AUTS2: variants seen among roughly 807,000 people sequenced by gnomAD.
The protein encoded by AUTS2 is activator of transcription and developmental regulator AUTS2, also known as autism susceptibility gene 2 protein.
In AUTS2, 17 loss-of-function variants were observed where a neutral mutation model predicts 112.4. The ratio of observed to expected loss-of-function variants is 0.15; its 90% CI spans 0.10 to 0.23. AUTS2 has a LOEUF of 0.23. Ranked by LOEUF, AUTS2 falls within the 10% of genes least tolerant of loss-of-function variation. AUTS2 has a pLI of 1.00. For missense variants in AUTS2, 1,510 were observed against 1,701.6 expected, an observed-to-expected ratio of 0.89 and a Z score of 1.98; for synonymous variants, 751 against 702.7, an observed-to-expected ratio of 1.07 and a Z score of -1.09.
chr7:70,007,312 A>G (rs879478363), intron 2 of AUTS2, among the ~76,000 whole-genome samples: 9 of 152,220 alleles, frequency 5.9e-5, no homozygotes, highest in Non-Finnish European at 1.2e-4. Context: ...TACTCATTGT[A>G]GAAAACTTTG....
chr7:69,776,952 C>T (rs1032056537), intron 1 of AUTS2, among the ~76,000 whole-genome samples: 4 of 152,220 alleles, frequency 2.6e-5, no homozygotes, highest in African/African-American at 9.6e-5. Context: ...GTTGCTTATT[C>T]AGTAAACCTT....
intron 5 of AUTS2, among the ~76,000 whole-genome samples, chr7:70,444,373 T>TGTGTGTGTGTGTGTGTGTGAGA (rs372696006): frequency 2.3e-4 from 33 of 142,510 alleles, no homozygotes; most frequent in African/African-American, 7.8e-4. Flanking sequence ...TGTGTGTGTG[T>TGTGTGTGTGTGTGTGTGTGAGA]GAGAGAGAGA....
chr7:70,578,858 C>G (rs1270984663), intron 5 of AUTS2, among the ~76,000 whole-genome samples: 1 of 151,998 alleles, frequency 6.6e-6, no homozygotes. Flanking sequence ...GCCAAACCAA[C>G]AGGTCTAAGA....
chr7:70,696,669 A>G (rs975051308), intron 5 of AUTS2, among the ~76,000 whole-genome samples: 3 of 141,420 alleles, frequency 2.1e-5, no homozygotes, highest in Admixed American at 1.4e-4. Context: ...TGTCCTTTTC[A>G]CTCGAACACA....
intron 2 of AUTS2, among the ~76,000 whole-genome samples, chr7:70,019,650 C>T (rs968244017): frequency 5.3e-5 from 8 of 152,142 alleles, no homozygotes; most frequent in African/African-American, 1.9e-4. Flanking sequence ...TGTCATTTTA[C>T]TTAACAGCTC....
At position 70,791,479 on chromosome 7, in the gene AUTS2, T is replaced by TAAC. The variant is rs1791958107; in HGVS notation, c.*485_*487dup. 6.5e-6 allele frequency: 1 copy of TAAC among 153,664 alleles called. No homozygotes were observed. Among genetic ancestry groups the TAAC allele is most frequent in the Admixed American group, 6.5e-5 (1 of 15,290 alleles). 9.5% of individuals were successfully genotyped at this position (153,664 alleles called of 1,614,324 possible). A position where few individuals can be genotyped will look rare whatever the true frequency, so the allele number is the denominator to read the frequency against. ...TTTGTACAAATGTAAATAGATAAAG[T>TAAC]AACATAATACATTAATACTTCTTAA... On this transcript the variant is annotated 3_prime_UTR_variant, in exon 19 of 19. Transcript: ENST00000342771.
chr7:69,709,275 G>C (rs2129199047), intron 1 of AUTS2, among the ~76,000 whole-genome samples: 1 of 152,328 alleles, frequency 6.6e-6, no homozygotes, highest in Admixed American at 6.5e-5. Context: ...TCCCAGGAAT[G>C]GGGTAGCATA....
intron 5 of AUTS2, among the ~76,000 whole-genome samples, chr7:70,657,150 GA>G (rs1806812761): frequency 1.3e-5 from 2 of 152,184 alleles, no homozygotes; most frequent in African/African-American, 4.8e-5. Flanking sequence ...AAAGCCCAAG[GA>G]TGAGTGGCTG....
intron 4 of AUTS2, among the ~76,000 whole-genome samples, chr7:70,378,779 A>C (rs1006424874): frequency 2.0e-4 from 30 of 152,246 alleles, no homozygotes; most frequent in African/African-American, 7.2e-4. Flanking sequence ...CAAACTACAT[A>C]AAATAACATG....
At chr7:70,159,853 A>G (rs986588910) in intron 4 of AUTS2, among the ~76,000 whole-genome samples, 1 of 152,182 alleles carries the variant, frequency 6.6e-6, no homozygotes, top group Non-Finnish European at 1.5e-5. Flanking sequence ...TTAGAATCTT[A>G]TTATAGTTAG....
chr7:69,881,383 T>A (rs1252668536), intron 1 of AUTS2, among the ~76,000 whole-genome samples: 2 of 150,450 alleles, frequency 1.3e-5, no homozygotes, highest in Admixed American at 6.6e-5. Context: ...TTTTTTTTTT[T>A]AATGGTTAGG....
intron 2 of AUTS2, among the ~76,000 whole-genome samples, chr7:70,092,285 T>G (rs1803961899): frequency 6.6e-6 from 1 of 152,074 alleles, no homozygotes; most frequent in Non-Finnish European, 1.5e-5. Context: ...GACTCCAACT[T>G]TTTCTGCACT....
intron 1 of AUTS2, among the ~76,000 whole-genome samples, chr7:69,750,413 T>G (rs537966277): frequency 1.1e-4 from 16 of 148,562 alleles, no homozygotes; most frequent in South Asian, 2.1e-4. Context: ...TATATTAGTA[T>G]TATTAGTAGT....
chr7:70,346,561 C>T (rs1212733800), intron 4 of AUTS2, among the ~76,000 whole-genome samples: 7 of 152,098 alleles, frequency 4.6e-5, no homozygotes, highest in Non-Finnish European at 8.8e-5. Flanking sequence ...ATCAGGTCAG[C>T]TCACCTCCCC....
At chr7:69,757,726 C>T (rs1045567146) in intron 1 of AUTS2, among the ~76,000 whole-genome samples, 1 of 151,984 alleles carries the variant, frequency 6.6e-6, no homozygotes, top group Non-Finnish European at 1.5e-5. Flanking sequence ...GTTCTTTTAC[C>T]GCCCCCTGCT....
intron 6 of AUTS2, among the ~76,000 whole-genome samples, chr7:70,730,044 G>A (rs552133215): frequency 4.6e-5 from 7 of 152,130 alleles, no homozygotes; most frequent in South Asian, 2.1e-4. Flanking sequence ...CACCACGCCC[G>A]GCTAATTTTT....
chr7:69,641,717 T>C (rs1288927687), intron 1 of AUTS2, among the ~76,000 whole-genome samples: 1 of 152,230 alleles, frequency 6.6e-6, no homozygotes, highest in Non-Finnish European at 1.5e-5. Flanking sequence ...TTTAAGGAAT[T>C]CAACAATTCT....
chr7:69,624,263 C>G (rs1793827166), intron 1 of AUTS2, among the ~76,000 whole-genome samples: 1 of 152,210 alleles, frequency 6.6e-6, no homozygotes, highest in South Asian at 2.1e-4. Flanking sequence ...CTTGTCATTA[C>G]TGTCCAGGTA....
At chr7:69,653,749 T>C (rs889627083) in intron 1 of AUTS2, among the ~76,000 whole-genome samples, 5 of 152,116 alleles carry the variant, frequency 3.3e-5, no homozygotes, top group African/African-American at 1.2e-4. Flanking sequence ...AAGCAGCTGC[T>C]GGAAGAATGT....
Sources: allele counts gnomAD v4.1 joint callset (sites outside exome capture counted in the v4.1 genomes callset), GRCh38; gene constraint gnomAD v4.1.1; transcripts MANE v1.5; gene names NCBI Gene and HGNC (gene_info 2026-07-23, HGNC 2026-07-21).